OTUD7A: variants seen among roughly 807,000 people sequenced by gnomAD.
OTUD7A encodes the protein OTU deubiquitinase 7A.
Under a neutral mutation model 65.7 loss-of-function variants are expected in OTUD7A, and 12 were observed. That is an observed-to-expected ratio of 0.18 (90% CI 0.12 to 0.30). The LOEUF (loss-of-function observed/expected upper bound fraction) is 0.30, where lower values mean the gene tolerates loss of function less well. OTUD7A is among the 10% of genes least tolerant of loss of function. The pLI is 1.00. For synonymous variants in OTUD7A, 641 were observed against 586.3 expected (o/e 1.09, Z -1.35); for missense variants, 1,148 against 1,304.8 (o/e 0.88, Z 1.85).
chr15:31,796,071 C>A (rs1355393881), intron 1 of OTUD7A, among the ~76,000 whole-genome samples: 1 of 151,992 alleles, frequency 6.6e-6, no homozygotes, highest in Non-Finnish European at 1.5e-5. Flanking sequence ...CAGGGATCAC[C>A]ACCATATGCA....
intron 3 of OTUD7A, among the ~76,000 whole-genome samples, chr15:31,640,600 AT>A (rs1434259686): frequency 6.6e-6 from 1 of 152,116 alleles, no homozygotes; most frequent in African/African-American, 2.4e-5. Context: ...TGAAAAGATT[AT>A]TTTTTGCACT....
intron 1 of OTUD7A, among the ~76,000 whole-genome samples, chr15:31,752,354 T>C (rs1287081217): frequency 2.0e-5 from 3 of 152,120 alleles, no homozygotes; most frequent in African/African-American, 7.2e-5. Flanking sequence ...GTTGTAAAAG[T>C]GAGGAGTATT....
chr15:31,515,642 CCT>C (rs1221735009), intron 8 of OTUD7A, among the ~76,000 whole-genome samples: 3 of 127,560 alleles, frequency 2.4e-5, no homozygotes, highest in South Asian at 5.8e-4. Context: ...TCCTTCCCTC[CCT>C]CTCTCTCTTC....
At chr15:31,623,423 C>T (rs1296218067) in intron 3 of OTUD7A, among the ~76,000 whole-genome samples, 2 of 152,240 alleles carry the variant, frequency 1.3e-5, no homozygotes. Context: ...CCAGTTTGAG[C>T]TTCCTGGCCG....
chr15:31,570,448 C>A (rs978199731), intron 3 of OTUD7A, among the ~76,000 whole-genome samples: 1 of 33,276 alleles, frequency 3.0e-5, no homozygotes, highest in Non-Finnish European at 5.4e-5. Context: ...TTCATACACA[C>A]ACACACACAC....
intron 5 of OTUD7A, among the ~76,000 whole-genome samples, chr15:31,541,461 T>A (rs779609074): frequency 6.6e-6 from 1 of 152,214 alleles, no homozygotes; most frequent in Non-Finnish European, 1.5e-5. Context: ...TGAATGCGTG[T>A]AGCACTGCAG....
At chr15:31,528,626 T>C (rs2141120296) in intron 6 of OTUD7A, among the ~76,000 whole-genome samples, 2 of 152,358 alleles carry the variant, frequency 1.3e-5, no homozygotes, top group African/African-American at 4.8e-5. Flanking sequence ...CTCAGACCTC[T>C]TTCAGCTGCC....
chr15:31,856,976 G>A (rs773926631), intron 1 of OTUD7A, among the ~76,000 whole-genome samples: 7 of 152,232 alleles, frequency 4.6e-5, no homozygotes, highest in South Asian at 2.1e-4. Context: ...AATAGTTGAC[G>A]GCCGGCAAAC....
At chr15:31,789,713 T>C (rs1171934391) in intron 1 of OTUD7A, among the ~76,000 whole-genome samples, 2 of 151,366 alleles carry the variant, frequency 1.3e-5, no homozygotes, top group Non-Finnish European at 2.9e-5. Context: ...GCCCTTTTTT[T>C]TTTTTTTTTT....
At chr15:31,820,629 C>G (rs1489832140) in intron 1 of OTUD7A, among the ~76,000 whole-genome samples, 6 of 152,192 alleles carry the variant, frequency 3.9e-5, no homozygotes, top group Non-Finnish European at 8.8e-5. Context: ...AAACTGGCCC[C>G]ACCATTTTCT....
intron 1 of OTUD7A, among the ~76,000 whole-genome samples, chr15:31,724,103 A>T (rs1270335589): frequency 1.3e-5 from 2 of 151,070 alleles, no homozygotes; most frequent in African/African-American, 4.9e-5. Context: ...CTATGTATAT[A>T]TTTCCTGGTT....
At chr15:31,637,292 C>G (rs1011067727) in intron 3 of OTUD7A, among the ~76,000 whole-genome samples, 2 of 152,176 alleles carry the variant, frequency 1.3e-5, no homozygotes, top group African/African-American at 2.4e-5. Context: ...ATCTACTCTT[C>G]CTGTGCTCTA....
intron 1 of OTUD7A, among the ~76,000 whole-genome samples, chr15:31,760,832 T>C (rs546429034): frequency 6.6e-6 from 1 of 152,332 alleles, no homozygotes; most frequent in Non-Finnish European, 1.5e-5. Context: ...GATAGTATGG[T>C]ATTGGCATAA....
chr15:31,521,507 TC>T (rs1256998058), intron 8 of OTUD7A, among the ~76,000 whole-genome samples: 1 of 152,078 alleles, frequency 6.6e-6, no homozygotes, highest in Non-Finnish European at 1.5e-5. Context: ...CATGGCACCT[TC>T]AGGAATACAC....
At chr15:31,523,603 G>A (rs984391061) in intron 8 of OTUD7A, among the ~76,000 whole-genome samples, 77 of 152,300 alleles carry the variant, frequency 5.1e-4, no homozygotes, top group African/African-American at 1.8e-3. Flanking sequence ...CGGGCAGCTC[G>A]CAGCATCCTG....
At chr15:31,540,347 G>A (rs952350147) in intron 5 of OTUD7A, among the ~76,000 whole-genome samples, 3 of 152,186 alleles carry the variant, frequency 2.0e-5, no homozygotes, top group African/African-American at 7.2e-5. Flanking sequence ...ACTGATTCAA[G>A]TTGAAAATGA....
intron 1 of OTUD7A, among the ~76,000 whole-genome samples, chr15:31,682,841 TTTATG>T (rs1480046180): frequency 6.6e-6 from 1 of 152,200 alleles, no homozygotes; most frequent in South Asian, 2.1e-4. Context: ...TGTGTGCATG[TTTATG>T]TTGAGTGTGT....
chr15:31,621,270 A>G (rs1020479197), intron 3 of OTUD7A, among the ~76,000 whole-genome samples: 1 of 152,154 alleles, frequency 6.6e-6, no homozygotes, highest in African/African-American at 2.4e-5. Context: ...AGTTCTGTAG[A>G]TGTCTACTAG....
chr15:31,683,137 C>T (rs1223365706), intron 1 of OTUD7A, among the ~76,000 whole-genome samples: 1 of 152,116 alleles, frequency 6.6e-6, no homozygotes, highest in East Asian at 1.9e-4. Flanking sequence ...GCTTTCTTAT[C>T]GGCCCATATT....
Sources: gnomAD v4.1 joint callset for allele counts (sites outside exome capture counted in the v4.1 genomes callset) on GRCh38, gnomAD v4.1.1 for gene constraint, MANE v1.5 for transcripts, NCBI Gene and HGNC (gene_info 2026-07-23, HGNC 2026-07-21) for gene names.